Variants in ZNF469 observed in about 807,000 individuals in gnomAD.
ZNF469 encodes the protein zinc finger protein 469.
ZNF469 carries 1 observed loss-of-function variant against 1.0 expected under a neutral mutation model. That is an observed-to-expected ratio of 1.00 (90% CI 0.35 to 4.73). The LOEUF (loss-of-function observed/expected upper bound fraction) is 4.73, where lower values mean the gene tolerates loss of function less well. Ranked by LOEUF, ZNF469 falls within the 30% of genes most tolerant of loss-of-function variation. ZNF469 has a pLI of 0.16. For missense variants in ZNF469, 6,100 were observed against 5,356.3 expected (o/e 1.14, Z -4.33); for synonymous variants, 2,703 against 2,363.4 (o/e 1.14, Z -4.17).
the ZNF469 span, among the ~76,000 whole-genome samples, chr16:88,348,981 G>T: frequency 6.6e-5 from 10 of 152,222 alleles, no homozygotes; most frequent in African/African-American, 2.2e-4. Context: ...GCTGGGGACA[G>T]CATACGAGTC....
chr16:88,327,936 C>T, the ZNF469 span, among the ~76,000 whole-genome samples: 4 of 152,236 alleles, frequency 2.6e-5, no homozygotes, highest in Admixed American at 2.0e-4. Context: ...AACACTTTCA[C>T]GGCCGGGCTC....
chr16:88,236,237 G>T, the ZNF469 span, among the ~76,000 whole-genome samples: 1 of 152,252 alleles, frequency 6.6e-6, no homozygotes, highest in East Asian at 1.9e-4. Flanking sequence ...TCTACAGAAT[G>T]TGGATTTTCC....
chr16:88,146,520 T>G, the ZNF469 span, among the ~76,000 whole-genome samples: 2 of 152,032 alleles, frequency 1.3e-5, no homozygotes, highest in African/African-American at 4.8e-5. Context: ...CCCCCCAGTC[T>G]CAGCCCCCGT....
chr16:88,205,231 C>T, the ZNF469 span, among the ~76,000 whole-genome samples: 35 of 152,110 alleles, frequency 2.3e-4, no homozygotes, highest in Admixed American at 8.5e-4. This position sits in a 1 kb window ranked among gnomAD's most constrained non-coding sequence, Gnocchi z 4.2. Flanking sequence ...GACCTCAATC[C>T]GCAATGGAGA....
chr16:88,239,725 TTTTTTTTTTTTTTTTTA>T, the ZNF469 span, among the ~76,000 whole-genome samples: 1 of 19,132 alleles, frequency 5.2e-5, no homozygotes, highest in Admixed American at 7.0e-4. Flanking sequence ...ATTTTTTTTT[TTTTTTTTTTTTTTTTTA>T]GTAGAGACAG....
intron 1 of ZNF469, among the ~76,000 whole-genome samples, chr16:88,387,531 C>T (rs1312036484): frequency 6.6e-6 from 1 of 152,220 alleles, no homozygotes; most frequent in Non-Finnish European, 1.5e-5. Flanking sequence ...ACGCTGGGGG[C>T]GGCTTGGGGG....
At position 88,435,312 on chromosome 16, in the gene ZNF469, G is replaced by A. The variant is rs1906491699; in HGVS notation, c.7842G>A (p.Arg2614=). Residue 2614 remains arginine (R), a synonymous_variant, in exon 3 of 3, where the codon AGG becomes AGA. Coordinates refer to ENST00000565624, the MANE Select transcript of ZNF469 (RefSeq NM_001367624.2). ...AGGCAGAAAAAAGAGAAGGCCGGAGGTGGCGCCGAGAGCCCACCGTGGACT... is the reference window on the plus strand; with the variant it reads ...AGGCAGAAAAAAGAGAAGGCCGGAGATGGCGCCGAGAGCCCACCGTGGACT... ...PKQAEKREGR[R]WRREPTVDSP... is the part of the protein sequence containing the mutation. The A allele has an allele frequency of 1.3e-6, 2 of 1,550,258 alleles. No individual in the cohort carries two copies. Among genetic ancestry groups the A allele is most frequent in the Admixed American group, 2.0e-5 (1 of 50,980 alleles).
Position 88,430,442 on chromosome 16 carries a change from C to A in ZNF469, c.2972C>A (p.Pro991Gln). ...AACGACGGTCTCGGGGAGCGGCCCC[C>A]ACCCCGTCCCCGGCGCCCTAGAACG... ...RRNDGLGERP[P>Q]PRPRRPRTQA... is the part of the protein sequence containing the mutation. The change falls in exon 3 of 3, where the codon CCA (proline) becomes CAA (glutamine). Residue 991 changes from proline (P) to glutamine (Q), a missense_variant. Pro to Gln is a moderately conservative substitution (Grantham distance 76). Coordinates refer to ENST00000565624, the MANE Select transcript of ZNF469 (RefSeq NM_001367624.2). The A allele has an allele frequency of 6.6e-7, 1 of 1,503,798 alleles. No homozygotes were observed. 93.2% of individuals were successfully genotyped at this position (1,503,798 alleles called of 1,614,324 possible). A position where few individuals can be genotyped will look rare whatever the true frequency, so the allele number is the denominator to read the frequency against.
chr16:88,287,599 T>C, the ZNF469 span, among the ~76,000 whole-genome samples: 945 of 152,346 alleles, frequency 6.2e-3, 8 homozygotes, highest in African/African-American at 0.022. Context: ...CAATTATAAA[T>C]ACACATCACT....
rs1313976505 is a variant in ZNF469 at position 88,439,697 on chromosome 16, C to A, written c.*365C>A. 3.2e-6 allele frequency: 1 copy of A among 308,696 alleles called. No individual in the cohort carries two copies. The highest frequency in any genetic ancestry group is 6.1e-6 in the Non-Finnish European group (1 of 163,236). 19.1% of individuals were successfully genotyped at this position (308,696 alleles called of 1,614,324 possible). A position where few individuals can be genotyped will look rare whatever the true frequency, so the allele number is the denominator to read the frequency against. Reference sequence around the variant, plus strand: ...AATGTTTGGAGATTTGCACAACCTCCCGTTCCCCCACATGGAGAAGGGAAG... The same window carrying A: ...AATGTTTGGAGATTTGCACAACCTCACGTTCCCCCACATGGAGAAGGGAAG... On this transcript the variant is annotated 3_prime_UTR_variant, in exon 3 of 3. Coordinates refer to ENST00000565624, the MANE Select transcript of ZNF469 (RefSeq NM_001367624.2).
the ZNF469 span, among the ~76,000 whole-genome samples, chr16:88,164,201 A>G: frequency 1.3e-5 from 2 of 149,830 alleles, no homozygotes; most frequent in South Asian, 4.3e-4. Flanking sequence ...TGGATGGATG[A>G]ATGGATGGGT....
At chr16:88,253,495 C>G in the ZNF469 span, among the ~76,000 whole-genome samples, 6 of 150,986 alleles carry the variant, frequency 4.0e-5, no homozygotes, top group African/African-American at 1.2e-4. Flanking sequence ...TGTGGATTTT[C>G]TTGCATAAGG....
chr16:88,362,695 A>T, the ZNF469 span, among the ~76,000 whole-genome samples: 2 of 152,222 alleles, frequency 1.3e-5, no homozygotes, highest in Non-Finnish European at 2.9e-5. Context: ...ATGCCTGAAT[A>T]TAGCTTCTTT....
the ZNF469 span, among the ~76,000 whole-genome samples, chr16:88,307,809 A>T: frequency 6.6e-6 from 1 of 152,118 alleles, no homozygotes; most frequent in African/African-American, 2.4e-5. Flanking sequence ...CACTTTCTTA[A>T]TGGTATTATT....
At chr16:88,417,780 G>A (rs972650314) in intron 1 of ZNF469, among the ~76,000 whole-genome samples, 1 of 152,218 alleles carries the variant, frequency 6.6e-6, no homozygotes, top group Non-Finnish European at 1.5e-5. Context: ...GTGCCGGGGA[G>A]CTCTCAGAGT....
At chr16:88,170,340 G>A in the ZNF469 span, among the ~76,000 whole-genome samples, 2 of 152,070 alleles carry the variant, frequency 1.3e-5, no homozygotes, top group South Asian at 2.1e-4. This position sits in a 1 kb window ranked among gnomAD's most constrained non-coding sequence, Gnocchi z 4.2. Flanking sequence ...ATACGCAATC[G>A]ATTATTCTGA....
rs1906210664 is a variant in ZNF469 at position 88,431,856 on chromosome 16, C to A, written c.4386C>A (p.Asp1462Glu). ...CCCTCTTCCCAGACCTGCCGGTGGACAGATTCGACCCACCCCTCTATGGCA... is the reference window on the plus strand; with the variant it reads ...CCCTCTTCCCAGACCTGCCGGTGGAAAGATTCGACCCACCCCTCTATGGCA... ...SSSLFPDLPVDRFDPPLYGSL... is the reference protein window; with the variant it reads ...SSSLFPDLPVERFDPPLYGSL... Residue 1462 changes from aspartate (D) to glutamate (E), a missense_variant, in exon 3 of 3, where the codon GAC becomes GAA. Coordinates refer to ENST00000565624, the MANE Select transcript of ZNF469 (RefSeq NM_001367624.2). 6.5e-7 allele frequency: 1 copy of A among 1,550,002 alleles called. No individual in the cohort carries two copies. Among genetic ancestry groups the A allele is most frequent in the South Asian group, 1.2e-5 (1 of 84,074 alleles).
chr16:88,438,942 G>A lies in ZNF469; in HGVS notation c.11472G>A (p.Gly3824=). The change falls in exon 3 of 3, where the codon GGG becomes GGA. Residue 3824 remains glycine, a synonymous_variant. Transcript: ENST00000565624. Reference sequence around the variant, plus strand: ...AGAGGAAAAAGGGCCAGGTCCCAGGGCCAGCCAGGAGTGAAAGTGTGGGGA... The same window carrying A: ...AGAGGAAAAAGGGCCAGGTCCCAGGACCAGCCAGGAGTGAAAGTGTGGGGA... ...STKRKKGQVP[G]PARSESVGSF... 6 of 1,550,548 alleles carry A rather than the reference G, an allele frequency of 3.9e-6. No homozygotes were observed. Among genetic ancestry groups the A allele is most frequent in the East Asian group, 2.4e-5 (1 of 40,920 alleles).
At chr16:88,303,559 G>A in the ZNF469 span, among the ~76,000 whole-genome samples, 1 of 152,220 alleles carries the variant, frequency 6.6e-6, no homozygotes, top group Admixed American at 6.5e-5. Flanking sequence ...AGGCATCTCA[G>A]AAGAAAATCT....
Sources: allele counts gnomAD v4.1 joint callset (sites outside exome capture counted in the v4.1 genomes callset), GRCh38; gene constraint gnomAD v4.1.1; non-coding constraint Gnocchi (gnomAD v3.1); transcripts MANE v1.5; gene names NCBI Gene and HGNC (gene_info 2026-07-23, HGNC 2026-07-21).